The following SGCD variants were observed in gnomAD, a reference collection of about 807,000 sequenced individuals.
The protein encoded by SGCD is sarcoglycan delta, also known as delta-sarcoglycan.
SGCD carries 18 observed loss-of-function variants against 36.6 expected under a neutral mutation model. The observed-to-expected ratio is 0.49, with a 90% confidence interval of 0.34 to 0.73. The LOEUF is 0.73. SGCD is among the 30% of genes least tolerant of loss of function. The pLI, the probability that SGCD is intolerant of heterozygous loss-of-function variation, is 0.01. For missense variants in SGCD, 387 were observed against 346.7 expected (o/e 1.12, Z -0.92); for synonymous variants, 133 against 130.6 (o/e 1.02, Z -0.12).
At position 156,747,528 on chromosome 5, in the gene SGCD, G is replaced by C. The variant is rs1756990835; in HGVS notation, c.576-10053G>C. On this transcript the variant is annotated intron_variant, in intron 7 of 8. Transcript: ENST00000337851. ...GGATTAAGTTCTCTGTAGACTGTTGGACTGAACACCTTAGTTTTTCTTGGG... is the reference window on the plus strand; with the variant it reads ...GGATTAAGTTCTCTGTAGACTGTTGCACTGAACACCTTAGTTTTTCTTGGG... Among the ~76,000 whole-genome samples, 11 of 152,106 alleles carry C rather than the reference G, an allele frequency of 7.2e-5. 1 individual carries two copies. The highest frequency in any genetic ancestry group is 7.2e-4 in the Admixed American group (11 of 15,272).
At chr5:156,082,910 C>G (rs192590390) in intron 1 of SGCD, among the ~76,000 whole-genome samples, 3 of 152,102 alleles carry the variant, frequency 2.0e-5, no homozygotes, top group African/African-American at 7.2e-5. Flanking sequence ...CTTTGTCATC[C>G]TTGCTAGCAT....
chr5:155,996,725 G>A (rs1038734399), intron 1 of SGCD, among the ~76,000 whole-genome samples: 1 of 150,788 alleles, frequency 6.6e-6, no homozygotes, highest in Non-Finnish European at 1.5e-5. Flanking sequence ...GTTGCACTGA[G>A]CTGGGATAGT....
the SGCD span, among the ~76,000 whole-genome samples, chr5:155,792,514 CA>C: frequency 6.9e-6 from 1 of 145,024 alleles, no homozygotes; most frequent in Non-Finnish European, 1.5e-5. Flanking sequence ...CATCCGATAA[CA>C]GTCTAATATC....
At chr5:156,571,332 C>T (rs1007904669) in intron 4 of SGCD, among the ~76,000 whole-genome samples, 2 of 152,206 alleles carry the variant, frequency 1.3e-5, no homozygotes, top group African/African-American at 4.8e-5. Flanking sequence ...AGGATGTGAG[C>T]CACTGTGCCT....
chr5:156,588,765 A>G (rs747519771), intron 4 of SGCD, among the ~76,000 whole-genome samples: 4 of 152,250 alleles, frequency 2.6e-5, no homozygotes, highest in African/African-American at 4.8e-5. Context: ...GTTGGTGGGT[A>G]TGCCCGAGGG....
At chr5:156,473,952 G>GT (rs1196486274) in intron 3 of SGCD, among the ~76,000 whole-genome samples, 7 of 148,416 alleles carry the variant, frequency 4.7e-5, no homozygotes, top group Admixed American at 6.7e-5. Context: ...AACTGTAGCT[G>GT]TTTTTTTGTG....
the SGCD span, among the ~76,000 whole-genome samples, chr5:155,748,955 A>C: frequency 6.6e-5 from 10 of 152,178 alleles, no homozygotes; most frequent in Non-Finnish European, 1.2e-4. Context: ...TGGGGATGCA[A>C]ACATTTGAGA....
intron 3 of SGCD, among the ~76,000 whole-genome samples, chr5:156,423,392 TA>T (rs1773503472): frequency 2.2e-5 from 2 of 92,056 alleles, no homozygotes; most frequent in African/African-American, 9.7e-5. Context: ...TATAATATAT[TA>T]TATTTTATTA....
intron 6 of SGCD, among the ~76,000 whole-genome samples, chr5:156,606,851 C>T (rs184420561): frequency 6.6e-6 from 1 of 152,122 alleles, no homozygotes; most frequent in Non-Finnish European, 1.5e-5. Context: ...CTCTGTTTGT[C>T]TGTTATTGGT....
intron 1 of SGCD, among the ~76,000 whole-genome samples, chr5:155,912,141 A>G (rs939024368): frequency 1.3e-5 from 2 of 152,080 alleles, no homozygotes; most frequent in Non-Finnish European, 2.9e-5. Context: ...TTCACAATGA[A>G]TAAGTGACTT....
chr5:155,888,830 G>A (rs1053409283), intron 1 of SGCD, among the ~76,000 whole-genome samples: 4 of 152,060 alleles, frequency 2.6e-5, no homozygotes, highest in Admixed American at 6.5e-5. Flanking sequence ...AAAATATTTT[G>A]TAGCAACAGT....
chr5:156,404,672 A>T (rs1772321067), intron 3 of SGCD, among the ~76,000 whole-genome samples: 1 of 152,232 alleles, frequency 6.6e-6, no homozygotes, highest in African/African-American at 2.4e-5. Context: ...GCAATGGTAG[A>T]TCATATATAT....
chr5:156,059,254 A>T (rs116036087), intron 1 of SGCD, among the ~76,000 whole-genome samples: 1,653 of 145,870 alleles, frequency 0.011, 149 homozygotes, highest in African/African-American at 0.039. Flanking sequence ...AAATTAACGT[A>T]GTTTCCCAGC....
chr5:156,224,598 A>T (rs1764801758), intron 3 of SGCD, among the ~76,000 whole-genome samples: 1 of 152,158 alleles, frequency 6.6e-6, no homozygotes, highest in Admixed American at 6.6e-5. Flanking sequence ...TTTTGATGTT[A>T]CTAGTCTATC....
the SGCD span, among the ~76,000 whole-genome samples, chr5:155,831,249 T>C: frequency 6.6e-6 from 1 of 152,194 alleles, no homozygotes; most frequent in African/African-American, 2.4e-5. Flanking sequence ...CACCTGCTCT[T>C]GCGGTTTTGA....
chr5:156,705,426 C>T (rs946531502), intron 7 of SGCD, among the ~76,000 whole-genome samples: 2 of 152,072 alleles, frequency 1.3e-5, no homozygotes, highest in Admixed American at 6.6e-5. Flanking sequence ...CTTTAACAGC[C>T]GTTGGTTGGT....
At chr5:156,166,444 G>A (rs1581141518) in intron 3 of SGCD, among the ~76,000 whole-genome samples, 1 of 152,058 alleles carries the variant, frequency 6.6e-6, no homozygotes, top group East Asian at 1.9e-4. Flanking sequence ...AGCCTCCCGA[G>A]TAGCTGGGAC....
intron 3 of SGCD, among the ~76,000 whole-genome samples, chr5:156,178,046 G>T (rs1182381144): frequency 1.3e-5 from 2 of 152,148 alleles, no homozygotes; most frequent in Non-Finnish European, 2.9e-5. Flanking sequence ...ACTGATGTTA[G>T]CCTACAGTTT....
At chr5:156,183,952 A>C (rs755589629) in intron 3 of SGCD, among the ~76,000 whole-genome samples, 1 of 152,168 alleles carries the variant, frequency 6.6e-6, no homozygotes, top group Non-Finnish European at 1.5e-5. Flanking sequence ...CTCAGCTTTC[A>C]GTAGGGTTAC....
Sources: gnomAD v4.1 joint callset for allele counts (sites outside exome capture counted in the v4.1 genomes callset) on GRCh38, gnomAD v4.1.1 for gene constraint, MANE v1.5 for transcripts, NCBI Gene and HGNC (gene_info 2026-07-23, HGNC 2026-07-21) for gene names.